Variants in DNMT3A observed in about 807,000 individuals in gnomAD.
The protein encoded by DNMT3A is DNA methyltransferase 3 alpha.
DNMT3A carries 267 observed loss-of-function variants against 117.6 expected under a neutral mutation model. The ratio of observed to expected loss-of-function variants is 2.27; its 90% confidence interval spans 2.05 to 2.51. The LOEUF (loss-of-function observed/expected upper bound fraction) is 2.51. DNMT3A is among the 30% of genes most tolerant of loss of function. The pLI, the probability that DNMT3A is intolerant of heterozygous loss-of-function variation, is 0.00. For synonymous variants in DNMT3A, 432 were observed against 474.8 expected (o/e 0.91, Z 1.17); for missense variants, 1,029 against 1,260.2 (o/e 0.82, Z 2.78).
At chr2:25,265,338 T>A (rs2030223472) in intron 6 of DNMT3A, among the ~76,000 whole-genome samples, 1 of 152,132 alleles carries the variant, frequency 6.6e-6, no homozygotes, top group Admixed American at 6.5e-5. Flanking sequence ...TTCAATTTCA[T>A]GACAATTTCC....
At chr2:25,341,295 G>C (rs1430577553) in intron 1 of DNMT3A, among the ~76,000 whole-genome samples, 1 of 143,752 alleles carries the variant, frequency 7.0e-6, no homozygotes. Context: ...CCCGGCCCCC[G>C]CCCCCTCCCC....
At chr2:25,283,198 A>G (rs1290726875) in intron 3 of DNMT3A, among the ~76,000 whole-genome samples, 1 of 152,048 alleles carries the variant, frequency 6.6e-6, no homozygotes, top group Non-Finnish European at 1.5e-5. Flanking sequence ...CCCCATCTCT[A>G]CTAAAAATAC....
intron 1 of DNMT3A, among the ~76,000 whole-genome samples, chr2:25,325,799 G>A (rs1275054099): frequency 6.6e-6 from 1 of 152,218 alleles, no homozygotes; most frequent in Non-Finnish European, 1.5e-5. Context: ...ACTGTGTCTG[G>A]AACCCAGCGA....
At chr2:25,340,237 G>A (rs1369785468) in intron 1 of DNMT3A, among the ~76,000 whole-genome samples, 1 of 152,182 alleles carries the variant, frequency 6.6e-6, no homozygotes, top group Non-Finnish European at 1.5e-5. Flanking sequence ...GGAGCCGGGG[G>A]AGGCAGCCCC....
chr2:25,268,151 C>T (rs944202227), intron 6 of DNMT3A, among the ~76,000 whole-genome samples: 3 of 152,110 alleles, frequency 2.0e-5, no homozygotes, highest in Admixed American at 2.0e-4. Flanking sequence ...CTATGATGTT[C>T]CAGTCACAGA....
rs1413825408 is a variant in DNMT3A, at chr2:25,260,531, G to A, written c.640-12279C>T. On this transcript the variant is annotated intron_variant, in intron 6 of 22. Transcript: ENST00000321117. ...AGCATCTAGCGTCAAATATACAGGA[G>A]GCTGAGCTGTTATTCCTGTTTTTGT... 2.0e-5 allele frequency among the ~76,000 whole-genome samples: 3 copies of A among 152,244 alleles called. No individual in the cohort carries two copies. In the East Asian group the frequency reaches 5.8e-4, roughly 29 times the overall value.
At chr2:25,289,595 G>C (rs1376770570) in intron 3 of DNMT3A, among the ~76,000 whole-genome samples, 1 of 152,198 alleles carries the variant, frequency 6.6e-6, no homozygotes, top group Non-Finnish European at 1.5e-5. Context: ...GATGGCTCAG[G>C]TACAGGCGAG....
rs2034141823 is a variant in DNMT3A, at chr2:25,311,934, C to T, written c.72+1979G>A. ...AATGCAGATCCTGACCTGCTCCCGTCCATTGGTGGTGGCCTGGGGCTCCGC... is the reference window on the plus strand; with the variant it reads ...AATGCAGATCCTGACCTGCTCCCGTTCATTGGTGGTGGCCTGGGGCTCCGC... On this transcript the variant is annotated intron_variant, in intron 2 of 22. Transcript: ENST00000321117. The surrounding 1 kb of genome is among the most constrained non-coding windows in gnomAD (Gnocchi z 5.2). 6.6e-6 allele frequency among the ~76,000 whole-genome samples: 1 copy of T among 152,096 alleles called. No individual in the cohort carries two copies. Among genetic ancestry groups the T allele is most frequent in the Non-Finnish European group, 1.5e-5 (1 of 67,998 alleles).
chr2:25,240,662 GT>G lies in DNMT3A; in HGVS notation c.2150del (p.Asn717ThrfsTer62). ...GSPCNDLSIVNPARKGLYEGT... is the reference protein window; with the variant it reads ...GSPCNDLSIVXPARKGLYEGT... ...TACCGTAGAGGCCCTTGCGAGCAGG[GT>G]TGACGATGGAGAGGTCATTGCAGGG... On this transcript the variant is annotated frameshift_variant, in exon 18 of 23. Coordinates refer to ENST00000321117, the MANE Select transcript of DNMT3A (RefSeq NM_022552.5). LOFTEE classifies it high-confidence loss of function. The G allele has an allele frequency of 6.2e-7, 1 of 1,614,260 alleles. No homozygotes were observed. Among genetic ancestry groups the G allele is most frequent in the Non-Finnish European group, 8.5e-7 (1 of 1,180,052 alleles).
At chr2:25,312,528 C>T (rs1178120712) in intron 2 of DNMT3A, among the ~76,000 whole-genome samples, 1 of 152,094 alleles carries the variant, frequency 6.6e-6, no homozygotes, top group Non-Finnish European at 1.5e-5. Context: ...TACATGTGTC[C>T]CTAGCAGGAC....
Position 25,327,532 on chromosome 2 carries a change from T to A in DNMT3A, c.-177-13371A>T, listed in dbSNP as rs1440228026. 6.6e-6 allele frequency among the ~76,000 whole-genome samples: 1 copy of A among 152,188 alleles called. No homozygotes were observed. Among genetic ancestry groups the A allele is most frequent in the African/African-American group, 2.4e-5 (1 of 41,428 alleles). ...CCATGACTCCATCTGGCTCCTTGCT[T>A]CTGGGTCTCCAGCCTCAGATTCTGC... is the stretch of plus-strand genomic sequence containing the variant. On this transcript the variant is annotated intron_variant, in intron 1 of 22. Transcript: ENST00000321117. The surrounding 1 kb of genome is among the most constrained non-coding windows in gnomAD (Gnocchi z 4.1).
intron 2 of DNMT3A, among the ~76,000 whole-genome samples, chr2:25,313,534 G>A (rs2034235504): frequency 6.6e-6 from 1 of 152,194 alleles, no homozygotes; most frequent in African/African-American, 2.4e-5. Flanking sequence ...AGGAAACAGA[G>A]GCAGCTGAGA....
intron 6 of DNMT3A, among the ~76,000 whole-genome samples, chr2:25,268,764 A>T (rs2149355970): frequency 6.6e-6 from 1 of 152,304 alleles, no homozygotes; most frequent in East Asian, 1.9e-4. Flanking sequence ...GCCATCCTCC[A>T]GGTACACCTG....
intron 4 of DNMT3A, among the ~76,000 whole-genome samples, chr2:25,278,755 G>A (rs1179586832): frequency 1.3e-5 from 2 of 152,162 alleles, no homozygotes; most frequent in Admixed American, 1.3e-4. Flanking sequence ...CAACCTGGGA[G>A]GTGGAGGTTG....
chr2:25,240,071 TC>T (rs1467735125), intron 19 of DNMT3A, among the ~76,000 whole-genome samples: 1 of 151,750 alleles, frequency 6.6e-6, no homozygotes, highest in East Asian at 1.9e-4. Context: ...ACCCCGGAGG[TC>T]CACACCCACA....
intron 6 of DNMT3A, among the ~76,000 whole-genome samples, chr2:25,256,802 G>T (rs993589730): frequency 1.3e-5 from 2 of 152,144 alleles, no homozygotes; most frequent in Non-Finnish European, 2.9e-5. Context: ...TCTTTGCCTT[G>T]TGCGAAGGTG....
At chr2:25,291,117 C>T (rs1216249227) in intron 3 of DNMT3A, among the ~76,000 whole-genome samples, 1 of 152,174 alleles carries the variant, frequency 6.6e-6, no homozygotes, top group Admixed American at 6.5e-5. Context: ...CTGCGTGATG[C>T]CAACACAAAC....
Position 25,229,390 on chromosome 2 carries a change from G to C in DNMT3A, c.*4889C>G, listed in dbSNP as rs1672786338. On this transcript the variant is annotated 3_prime_UTR_variant, in exon 23 of 23. Transcript: ENST00000321117. ...TCCACTACACCTTTTCCACCCCCGG[G>C]ATTGGGAGCGGGGAGGTTTCAGCTG... 1 of 152,308 alleles carries C rather than the reference G, an allele frequency of 6.6e-6. No homozygotes were observed. Among genetic ancestry groups the C allele is most frequent in the Non-Finnish European group, 1.5e-5 (1 of 68,100 alleles). The allele number at this position is 152,308 out of a possible 1,614,324, so 9.4% of individuals were successfully genotyped here.
At chr2:25,253,336 T>C (rs1487041734) in intron 6 of DNMT3A, among the ~76,000 whole-genome samples, 1 of 152,060 alleles carries the variant, frequency 6.6e-6, no homozygotes, top group Non-Finnish European at 1.5e-5. Context: ...TGGAGAAATA[T>C]GAAAGGATCA....
Sources: gnomAD v4.1 joint callset for allele counts (sites outside exome capture counted in the v4.1 genomes callset) on GRCh38, gnomAD v4.1.1 for gene constraint, Gnocchi (gnomAD v3.1) non-coding constraint, MANE v1.5 for transcripts, NCBI Gene and HGNC (gene_info 2026-07-23, HGNC 2026-07-21) for gene names.